SYT1: variants seen among roughly 807,000 people sequenced by gnomAD.
SYT1 encodes the protein synaptotagmin 1, also known as synaptotagmin-1.
A neutral mutation model predicts 44.8 loss-of-function variants in SYT1; 8 were observed. The observed-to-expected ratio is 0.18, with a 90% CI of 0.10 to 0.32. The LOEUF (loss-of-function observed/expected upper bound fraction) is 0.32, where lower values mean the gene tolerates loss of function less well. SYT1 is among the 10% of genes least tolerant of loss of function. The probability of loss-of-function intolerance (pLI) is 1.00; values close to 1 mark genes in which losing one functional copy is unlikely to be tolerated. For missense variants in SYT1, 286 were observed against 509.3 expected, an observed-to-expected ratio of 0.56 and a Z score of 4.22; for synonymous variants, 154 against 188.8, an observed-to-expected ratio of 0.82 and a Z score of 1.51.
At chr12:79,306,618 A>G (rs1317982201) in intron 8 of SYT1, among the ~76,000 whole-genome samples, 1 of 152,222 alleles carries the variant, frequency 6.6e-6, no homozygotes, top group Non-Finnish European at 1.5e-5. Flanking sequence ...TAGGAGATAT[A>G]AATTCTGATA....
At chr12:78,977,049 G>A (rs1024284347) in intron 1 of SYT1, among the ~76,000 whole-genome samples, 2 of 151,764 alleles carry the variant, frequency 1.3e-5, no homozygotes, top group African/African-American at 4.8e-5. Flanking sequence ...AATAGGGAGT[G>A]CATTAAAGAG....
intron 8 of SYT1, among the ~76,000 whole-genome samples, chr12:79,336,258 C>T (rs1385508535): frequency 6.6e-6 from 1 of 152,186 alleles, no homozygotes; most frequent in Non-Finnish European, 1.5e-5. Context: ...CAGGCAACAG[C>T]TCTCATCCAT....
At chr12:79,156,746 C>A (rs1260931282) in intron 3 of SYT1, among the ~76,000 whole-genome samples, 1 of 152,090 alleles carries the variant, frequency 6.6e-6, no homozygotes, top group Admixed American at 6.6e-5. Flanking sequence ...GGATTACAGG[C>A]GTGAGCCACC....
chr12:79,273,040 C>A, intron 4 of SYT1, among the ~76,000 whole-genome samples: 1 of 151,720 alleles, frequency 6.6e-6, no homozygotes, highest in Admixed American at 6.6e-5. Flanking sequence ...TTTTTACCCC[C>A]AAGATAGCGG....
chr12:79,040,028 G>T (rs942717947), intron 2 of SYT1, among the ~76,000 whole-genome samples: 1 of 151,524 alleles, frequency 6.6e-6, no homozygotes, highest in Non-Finnish European at 1.5e-5. Flanking sequence ...ATCATTGTTG[G>T]ACATTTGGGT....
intron 8 of SYT1, among the ~76,000 whole-genome samples, chr12:79,345,720 A>T (rs1882579227): frequency 6.6e-6 from 1 of 152,254 alleles, no homozygotes; most frequent in Non-Finnish European, 1.5e-5. Flanking sequence ...CAGGAATAAA[A>T]TGAAGTTGAA....
intron 9 of SYT1, among the ~76,000 whole-genome samples, chr12:79,408,773 T>C (rs1868321646): frequency 6.6e-6 from 1 of 151,666 alleles, no homozygotes; most frequent in Non-Finnish European, 1.5e-5. Context: ...GCTGTTTGAC[T>C]ATGAGTCTAT....
At chr12:79,047,625 A>G (rs1024225719) in intron 3 of SYT1, among the ~76,000 whole-genome samples, 2 of 151,892 alleles carry the variant, frequency 1.3e-5, no homozygotes, top group African/African-American at 4.8e-5. Flanking sequence ...TTTGACTAGC[A>G]TAGTATCATC....
intron 1 of SYT1, among the ~76,000 whole-genome samples, chr12:78,880,409 C>G (rs1874389034): frequency 6.6e-6 from 1 of 151,560 alleles, no homozygotes; most frequent in African/African-American, 2.4e-5. Context: ...CATCTTTCTT[C>G]TTATCACTTA....
chr12:79,316,544 G>C (rs1257250290), intron 8 of SYT1, among the ~76,000 whole-genome samples: 1 of 152,102 alleles, frequency 6.6e-6, no homozygotes. Context: ...AAAATGACCA[G>C]GACCCCAGGT....
At chr12:79,004,898 G>A (rs1870977135) in intron 2 of SYT1, among the ~76,000 whole-genome samples, 1 of 151,932 alleles carries the variant, frequency 6.6e-6, no homozygotes, top group Non-Finnish European at 1.5e-5. Context: ...TATTGGTTTG[G>A]TGAATAATAT....
intron 9 of SYT1, among the ~76,000 whole-genome samples, chr12:79,391,273 T>C (rs1448515816): frequency 6.6e-6 from 1 of 152,194 alleles, no homozygotes; most frequent in African/African-American, 2.4e-5. Flanking sequence ...TGTATCTGAA[T>C]ATTAAAAATA....
chr12:79,317,191 C>T (rs538490140), intron 8 of SYT1, among the ~76,000 whole-genome samples: 4 of 152,264 alleles, frequency 2.6e-5, no homozygotes, highest in East Asian at 1.9e-4. Flanking sequence ...GGCTAGTGAA[C>T]ATCTCAGTAT....
chr12:79,255,315 G>A (rs969592301), intron 4 of SYT1, among the ~76,000 whole-genome samples: 4 of 152,164 alleles, frequency 2.6e-5, no homozygotes, highest in African/African-American at 7.2e-5. Flanking sequence ...TCAGATGATC[G>A]TCAGCATTTT....
intron 9 of SYT1, among the ~76,000 whole-genome samples, chr12:79,356,112 GTCTGGGAGAGAGAACAACCACGGGGCT>G (rs993305471): frequency 6.6e-5 from 10 of 151,548 alleles, no homozygotes; most frequent in African/African-American, 2.4e-4. Context: ...GCCACGGCGC[GTCTGGGAGAGAGAACAACCACGGGGCT>G]TCTGGGAGAG....
chr12:79,431,507 TATTTTATTATTTATTTA>T (rs978408633), intron 9 of SYT1, among the ~76,000 whole-genome samples: 3 of 108,334 alleles, frequency 2.8e-5, no homozygotes, highest in Non-Finnish European at 6.3e-5. Context: ...TATTTTATTT[TATTTTATTATTTATTTA>T]TTTATTTATT....
intron 1 of SYT1, among the ~76,000 whole-genome samples, chr12:78,927,145 G>A (rs1289663929): frequency 6.6e-6 from 1 of 152,094 alleles, no homozygotes; most frequent in Non-Finnish European, 1.5e-5. Context: ...TCTCCATGCT[G>A]TGGCTAGGGC....
At chr12:79,034,482 A>G (rs896682091) in intron 2 of SYT1, among the ~76,000 whole-genome samples, 2 of 151,748 alleles carry the variant, frequency 1.3e-5, no homozygotes, top group African/African-American at 4.8e-5. Context: ...CAGGATTTGG[A>G]TACAAACAGA....
chr12:78,886,334 A>G (rs979389740), intron 1 of SYT1, among the ~76,000 whole-genome samples: 2 of 151,986 alleles, frequency 1.3e-5, no homozygotes, highest in East Asian at 1.9e-4. Flanking sequence ...ATTGCTTTTC[A>G]AGTAAGTTAT....
Sources: gnomAD v4.1 joint callset for allele counts (sites outside exome capture counted in the v4.1 genomes callset) on GRCh38, gnomAD v4.1.1 for gene constraint, MANE v1.5 for transcripts, NCBI Gene and HGNC (gene_info 2026-07-23, HGNC 2026-07-21) for gene names.